The following RUNX2 variants were observed in gnomAD, a reference collection of about 807,000 sequenced individuals.
The protein encoded by RUNX2 is runt-related transcription factor 2.
Under a neutral mutation model 51.7 loss-of-function variants are expected in RUNX2, and 10 were observed. The ratio of observed to expected loss-of-function variants is 0.19; its 90% CI spans 0.12 to 0.33. The LOEUF (loss-of-function observed/expected upper bound fraction) is 0.33. Among genes scored for constraint, RUNX2 ranks in the 10% least tolerant of loss-of-function variants. The pLI is 1.00. For missense variants in RUNX2, 562 were observed against 691.3 expected (o/e 0.81, Z 2.10); for synonymous variants, 276 against 273.6 (o/e 1.01, Z -0.09).
intron 8 of RUNX2, 26 bp downstream of exon 8, chr6:45,545,308 T>A (rs1178791406): frequency 2.6e-6 from 4 of 1,522,402 alleles, no homozygotes; most frequent in Non-Finnish European, 3.6e-6. Context: ...ATTGCTGGGC[T>A]GGGCAGGGCT....
chr6:45,417,002 T>C (rs1330096220), intron 2 of RUNX2, among the ~76,000 whole-genome samples: 1 of 152,162 alleles, frequency 6.6e-6, no homozygotes, highest in Non-Finnish European at 1.5e-5. Context: ...TTATTATAGG[T>C]CCATTGACAA....
rs1004855567 is a variant in RUNX2, at chr6:45,495,971, G to A, written c.859+3857G>A. On this transcript the variant is annotated intron_variant, in intron 6 of 8. Transcript: ENST00000647337. ...GTGATATTTTGTGGAAGTCTTTAAT[G>A]GCTGATGTTCAGCTGAAGGCCCAGG... is the stretch of plus-strand genomic sequence containing the variant. Among the ~76,000 whole-genome samples, 4 of 152,100 alleles carry A rather than the reference G, an allele frequency of 2.6e-5. No homozygotes were observed. In the East Asian group the frequency reaches 5.8e-4, roughly 22 times the overall value.
At chr6:45,494,378 T>A (rs781052761) in intron 6 of RUNX2, among the ~76,000 whole-genome samples, 1 of 152,250 alleles carries the variant, frequency 6.6e-6, no homozygotes, top group Non-Finnish European at 1.5e-5. Context: ...TCACTGGATA[T>A]ATTTCTGAAA....
intron 2 of RUNX2, among the ~76,000 whole-genome samples, chr6:45,399,732 G>A (rs776611383): frequency 6.6e-6 from 1 of 151,118 alleles, no homozygotes; most frequent in African/African-American, 2.4e-5. Flanking sequence ...AGGGAGGCAA[G>A]TGGGGAAAGA....
At chr6:45,440,780 A>G (rs1050857055) in intron 5 of RUNX2, among the ~76,000 whole-genome samples, 6 of 152,208 alleles carry the variant, frequency 3.9e-5, no homozygotes, top group South Asian at 2.1e-4. Flanking sequence ...AGATAATTTT[A>G]TACAATATGT....
At chr6:45,488,790 A>C (rs1377383991) in intron 5 of RUNX2, among the ~76,000 whole-genome samples, 2 of 152,168 alleles carry the variant, frequency 1.3e-5, no homozygotes, top group African/African-American at 2.4e-5. Context: ...GGAATTTTCC[A>C]TTCTTCATAC....
chr6:45,499,351 T>C (rs1800735142), intron 6 of RUNX2, among the ~76,000 whole-genome samples: 1 of 152,198 alleles, frequency 6.6e-6, no homozygotes, highest in Admixed American at 6.5e-5. Flanking sequence ...AATCCTTATT[T>C]TTAGAAAGGG....
At chr6:45,445,217 G>T (rs577023002) in intron 5 of RUNX2, among the ~76,000 whole-genome samples, 1 of 152,160 alleles carries the variant, frequency 6.6e-6, no homozygotes, top group East Asian at 1.9e-4. Flanking sequence ...GTGGAGACGG[G>T]ATTTCACCAT....
At chr6:45,354,627 A>C (rs1792769774) in intron 2 of RUNX2, among the ~76,000 whole-genome samples, 1 of 95,080 alleles carries the variant, frequency 1.1e-5, no homozygotes, top group Non-Finnish European at 2.3e-5. Flanking sequence ...ATGCACGCAC[A>C]CATACACACA....
intron 6 of RUNX2, among the ~76,000 whole-genome samples, chr6:45,503,743 T>C (rs1800868349): frequency 2.0e-5 from 3 of 152,226 alleles, no homozygotes; most frequent in Non-Finnish European, 4.4e-5. Context: ...GAAATGCCTG[T>C]CCTTTTCTGT....
At chr6:45,386,481 G>A (rs1797351495) in intron 2 of RUNX2, among the ~76,000 whole-genome samples, 2 of 152,188 alleles carry the variant, frequency 1.3e-5, no homozygotes, top group South Asian at 4.1e-4. Context: ...TTAGGGAGTA[G>A]TCATTTGAGG....
At position 45,511,734 on chromosome 6, in the gene RUNX2, A is replaced by T. The variant is rs557986452; in HGVS notation, c.860-512A>T. ...TGCCCTGAGATGAAATCATGGAATC[A>T]TGCACTTTAAAACCAAAAAGCATGT... On this transcript the variant is annotated intron_variant, in intron 6 of 8. Coordinates refer to ENST00000647337, the MANE Select transcript of RUNX2 (RefSeq NM_001024630.4). 5.3e-5 allele frequency among the ~76,000 whole-genome samples: 8 copies of T among 152,304 alleles called. No homozygotes were observed. The South Asian group carries it at 1.7e-3, about 32-fold the overall frequency.
chr6:45,473,741 C>T (rs1799873563), intron 5 of RUNX2, among the ~76,000 whole-genome samples: 1 of 152,146 alleles, frequency 6.6e-6, no homozygotes, highest in Non-Finnish European at 1.5e-5. Flanking sequence ...AGGAAATAAA[C>T]CTCTGTTAAA....
At chr6:45,408,797 G>A (rs771793830) in intron 2 of RUNX2, among the ~76,000 whole-genome samples, 2 of 152,156 alleles carry the variant, frequency 1.3e-5, no homozygotes, top group Non-Finnish European at 2.9e-5. Flanking sequence ...GGTGCCTCAA[G>A]TGAACACACT....
At chr6:45,543,705 C>T (rs1318622798) in intron 7 of RUNX2, among the ~76,000 whole-genome samples, 1 of 152,000 alleles carries the variant, frequency 6.6e-6, no homozygotes, top group Non-Finnish European at 1.5e-5. Context: ...GTTGGTGACA[C>T]AAGGATGACT....
At chr6:45,522,705 A>T (rs1426043494) in intron 7 of RUNX2, among the ~76,000 whole-genome samples, 1 of 152,152 alleles carries the variant, frequency 6.6e-6, no homozygotes, top group African/African-American at 2.4e-5. Context: ...TGGCCTTCTA[A>T]TCCCTTTCTA....
intron 5 of RUNX2, among the ~76,000 whole-genome samples, chr6:45,460,999 T>C (rs1799461101): frequency 6.6e-6 from 1 of 152,050 alleles, no homozygotes; most frequent in Non-Finnish European, 1.5e-5. Flanking sequence ...TTGGAGGAAA[T>C]TAGGTCCTGA....
intron 2 of RUNX2, among the ~76,000 whole-genome samples, chr6:45,389,946 C>T (rs1431861837): frequency 2.0e-5 from 3 of 151,292 alleles, no homozygotes; most frequent in Non-Finnish European, 4.4e-5. Context: ...ATGGAGGTTG[C>T]AGTGAGCCGA....
At chr6:45,360,711 C>A (rs969006485) in intron 2 of RUNX2, among the ~76,000 whole-genome samples, 3 of 152,114 alleles carry the variant, frequency 2.0e-5, no homozygotes, top group African/African-American at 7.2e-5. Flanking sequence ...GGAGAAGAAG[C>A]AAATCTTACT....
Sources: allele counts gnomAD v4.1 joint callset (sites outside exome capture counted in the v4.1 genomes callset), GRCh38; gene constraint gnomAD v4.1.1; transcripts MANE v1.5; gene names NCBI Gene and HGNC (gene_info 2026-07-23, HGNC 2026-07-21).